AZIN2: variants seen among roughly 807,000 people sequenced by gnomAD.
AZIN2 encodes antizyme inhibitor 2, also known as ODC antizyme inhibitor-2.
Under a neutral mutation model 47.8 loss-of-function variants are expected in AZIN2, and 28 were observed. The observed-to-expected ratio is 0.59, with a 90% confidence interval of 0.43 to 0.80. The LOEUF is 0.80. AZIN2 is among the 30% of genes least tolerant of loss of function. The probability of loss-of-function intolerance (pLI) is 0.00; values close to 1 mark genes in which losing one functional copy is unlikely to be tolerated. For missense variants in AZIN2, 535 were observed against 582.5 expected (o/e 0.92, Z 0.84); for synonymous variants, 221 against 239.4 (o/e 0.92, Z 0.71).
At position 33,082,260 on chromosome 1, in the gene AZIN2, A is replaced by G. The variant is rs139857809; in HGVS notation, c.11A>G (p.Tyr4Cys). 9 of 1,613,872 alleles carry G rather than the reference A, an allele frequency of 5.6e-6. No individual in the cohort carries two copies. The highest frequency in any genetic ancestry group is 6.8e-6 in the Non-Finnish European group (8 of 1,179,906). Residue 4 changes from tyrosine to cysteine, a missense_variant, in exon 4 of 12, where the codon TAC becomes TGC. Coordinates refer to ENST00000294517, the MANE Select transcript of AZIN2 (RefSeq NM_052998.4). ...CTCCTCCTGCAAGGCATGGCTGGCT[A>G]CCTGAGTGAATCGGACTTTGTGATG... is the stretch of plus-strand genomic sequence containing the variant. Reference protein sequence around the residue: MAGYLSESDFVMVE... With the variant: MAGCLSESDFVMVE...
downstream of AZIN2, among the ~76,000 whole-genome samples, chr1:33,127,596 CG>C (rs142636783): frequency 7.2e-3 from 1,101 of 152,302 alleles, 12 homozygotes; most frequent in African/African-American, 0.025. Context: ...AGGGTAACAC[CG>C]GAAGTGGGCT....
At chr1:33,107,144 C>A (rs1067143) in intron 10 of AZIN2, among the ~76,000 whole-genome samples, 1 of 151,570 alleles carries the variant, frequency 6.6e-6, no homozygotes, top group South Asian at 2.1e-4. Context: ...ATTATCCAGG[C>A]GTAAAGATGT....
At chr1:33,136,364 C>G in the AZIN2 span, among the ~76,000 whole-genome samples, 2 of 144,154 alleles carry the variant, frequency 1.4e-5, no homozygotes, top group East Asian at 4.1e-4. Context: ...CTCTCTCTGT[C>G]TTTCTTTCTT....
intron 5 of AZIN2, among the ~76,000 whole-genome samples, chr1:33,091,261 A>G (rs1642515489): frequency 6.6e-6 from 1 of 152,112 alleles, no homozygotes; most frequent in African/African-American, 2.4e-5. Flanking sequence ...ATTTTTTGAG[A>G]TGGAGTCTGG....
At chr1:33,087,371 G>T (rs937970517) in intron 5 of AZIN2, among the ~76,000 whole-genome samples, 6 of 151,658 alleles carry the variant, frequency 4.0e-5, no homozygotes, top group African/African-American at 1.5e-4. Flanking sequence ...GACCTCAGGT[G>T]ATCCACCCGC....
chr1:33,133,857 G>A, the AZIN2 span, among the ~76,000 whole-genome samples: 3,485 of 152,322 alleles, frequency 0.023, 109 homozygotes, highest in African/African-American at 0.079. Context: ...TTCCCCTAGT[G>A]TTTGGCACTT....
At chr1:33,165,418 A>G in the AZIN2 span, 1 of 1,462,186 alleles carries the variant, frequency 6.8e-7, no homozygotes, top group Admixed American at 2.1e-5. The surrounding 1 kb of genome is among the most constrained non-coding windows in gnomAD (Gnocchi z 4.0). Flanking sequence ...CCGCCCCTCG[A>G]AGCCCTGCCC....
chr1:33,138,887 G>A, the AZIN2 span, among the ~76,000 whole-genome samples: 3 of 152,172 alleles, frequency 2.0e-5, no homozygotes, highest in African/African-American at 7.2e-5. Context: ...GAGGTGGCAG[G>A]GGAAAGGGTT....
intron 11 of AZIN2, chr1:33,119,586 G>C (rs1000727109): frequency 5.7e-6 from 1 of 176,422 alleles, no homozygotes; most frequent in Non-Finnish European, 1.2e-5. Flanking sequence ...AATGGGATAT[G>C]ATTTTATTTG....
chr1:33,147,376 C>T, the AZIN2 span: 20 of 1,614,046 alleles, frequency 1.2e-5, no homozygotes, highest in South Asian at 7.7e-5. This position sits in a 1 kb window ranked among gnomAD's most constrained non-coding sequence, Gnocchi z 8.1. Context: ...AAGCTTGTCC[C>T]GGACGTTAAG....
the AZIN2 span, among the ~76,000 whole-genome samples, chr1:33,160,520 T>G: frequency 3.9e-5 from 6 of 152,136 alleles, no homozygotes; most frequent in African/African-American, 1.4e-4. Context: ...TTCTCCAGCC[T>G]CAGCCTCCCT....
At chr1:33,125,560 T>G (rs1472997441), downstream of AZIN2, among the ~76,000 whole-genome samples, 1 of 152,240 alleles carries the variant, frequency 6.6e-6, no homozygotes, top group Non-Finnish European at 1.5e-5. Context: ...TGTTGCCATC[T>G]CAAGAAGGCC....
At position 33,118,079 on chromosome 1, in the gene AZIN2, G is replaced by T. The variant is rs762088830; in HGVS notation, c.1207G>T (p.Ala403Ser). The T allele has an allele frequency of 6.6e-7, 1 of 1,521,404 alleles. No individual in the cohort carries two copies. Among genetic ancestry groups the T allele is most frequent in the Non-Finnish European group, 8.8e-7 (1 of 1,138,454 alleles). 94.2% of individuals were successfully genotyped at this position (1,521,404 alleles called of 1,614,324 possible). The change falls in exon 11 of 12, where the codon GCC (alanine) becomes TCC (serine). Residue 403 changes from alanine to serine, a missense_variant. This residue lies in a region of AZIN2 where 122 missense variants were observed against 135.8 expected (regional missense o/e 0.90). Coordinates refer to ENST00000294517, the MANE Select transcript of AZIN2 (RefSeq NM_052998.4). ...GMGSPFWGTQ[A>S]CHITYAMSRV... is the part of the protein sequence containing the mutation. ...GGGTTCCCCCTTTTGGGGGACCCAG[G>T]CCTGCCACATCACCTATGCCATGTC...
At position 33,118,135 on chromosome 1, in the gene AZIN2, A is replaced by T; in HGVS notation, c.1244+19A>T. 2.0e-6 allele frequency: 3 copies of T among 1,505,910 alleles called. No homozygotes were observed. The highest frequency in any genetic ancestry group is 2.7e-6 in the Non-Finnish European group (3 of 1,129,986). The allele number at this position is 1,505,910 out of a possible 1,614,324, so 93.3% of individuals were successfully genotyped here. A position where few individuals can be genotyped will look rare whatever the true frequency, so the allele number is the denominator to read the frequency against. On this transcript the variant is annotated intron_variant, in intron 11 of 11. Coordinates refer to ENST00000294517, the MANE Select transcript of AZIN2 (RefSeq NM_052998.4). ...TGGCCTGGTAAGAGGGCCCTGCTGG[A>T]AAATGGGGGTATGGGGAGGAACTGG...
the AZIN2 span, among the ~76,000 whole-genome samples, chr1:33,138,207 G>A: frequency 6.6e-6 from 1 of 152,148 alleles, no homozygotes; most frequent in African/African-American, 2.4e-5. Flanking sequence ...CTCAGAATGG[G>A]GGTTAGGAAA....
chr1:33,086,981 A>G (rs963036419), intron 5 of AZIN2, among the ~76,000 whole-genome samples: 94 of 152,284 alleles, frequency 6.2e-4, no homozygotes, highest in African/African-American at 2.2e-3. Flanking sequence ...GTGAGCACTT[A>G]CCAACATCCA....
At chr1:33,127,927 C>T (rs1037976630), downstream of AZIN2, among the ~76,000 whole-genome samples, 4 of 152,120 alleles carry the variant, frequency 2.6e-5, no homozygotes, top group Non-Finnish European at 5.9e-5. Flanking sequence ...GGACTCCTAC[C>T]CTCCACTGCC....
chr1:33,151,963 G>T, the AZIN2 span, among the ~76,000 whole-genome samples: 1 of 152,232 alleles, frequency 6.6e-6, no homozygotes, highest in Non-Finnish European at 1.5e-5. Context: ...AACATGAAAG[G>T]CTGGCTGTAA....
At position 33,120,427 on chromosome 1, in the gene AZIN2, C is replaced by T; in HGVS notation, c.*245C>T. ...CTGCCTCCTCTGCAGTGCAAGGGGC[C>T]TGGTCAGCCAGGTGTGGGGGTGTTC... On this transcript the variant is annotated 3_prime_UTR_variant, in exon 12 of 12. Coordinates refer to ENST00000294517, the MANE Select transcript of AZIN2 (RefSeq NM_052998.4). 1.9e-6 allele frequency: 1 copy of T among 514,668 alleles called. No homozygotes were observed. Among genetic ancestry groups the T allele is most frequent in the Non-Finnish European group, 3.3e-6 (1 of 302,876 alleles). The allele number at this position is 514,668 out of a possible 1,614,324, so 31.9% of individuals were successfully genotyped here.
Sources: gnomAD v4.1 joint callset for allele counts (sites outside exome capture counted in the v4.1 genomes callset) on GRCh38, gnomAD v4.1.1 for gene constraint, gnomAD v4.1.1 regional missense constraint, Gnocchi (gnomAD v3.1) non-coding constraint, MANE v1.5 for transcripts, NCBI Gene and HGNC (gene_info 2026-07-23, HGNC 2026-07-21) for gene names.